The following HSPBAP1 variants were observed in gnomAD, a reference collection of about 807,000 sequenced individuals.
The protein encoded by HSPBAP1 is HSPB1-associated protein 1.
HSPBAP1 carries 27 observed loss-of-function variants against 45.2 expected under a neutral mutation model. That is an observed-to-expected ratio of 0.60 (90% CI 0.44 to 0.82). The LOEUF is 0.82. Ranked by LOEUF, HSPBAP1 falls within the 40% of genes least tolerant of loss-of-function variation. The probability of loss-of-function intolerance (pLI) is 0.00; values close to 1 mark genes in which losing one functional copy is unlikely to be tolerated. For synonymous variants in HSPBAP1, 204 were observed against 202.7 expected (o/e 1.01, Z -0.06); for missense variants, 510 against 590.9 (o/e 0.86, Z 1.42).
intron 3 of HSPBAP1, among the ~76,000 whole-genome samples, chr3:122,760,466 C>T (rs1207799982): frequency 2.0e-5 from 3 of 151,726 alleles, no homozygotes; most frequent in African/African-American, 4.8e-5. Context: ...AGAGGGAAAA[C>T]ATTAACAGCT....
chr3:122,759,340 G>A lies in HSPBAP1; in HGVS notation c.453C>T (p.Phe151=), dbSNP rs74824564. The change falls in exon 4 of 8, where the codon TTC becomes TTT. Residue 151 remains phenylalanine, a synonymous_variant. Transcript: ENST00000306103. ...DLFQDVKWSD[F]GFPGRNGQES... is the part of the protein sequence containing the mutation. The stretch of plus-strand genomic sequence containing the variant: ...CCTGTCCATTTCTTCCAGGAAACCC[G>A]AAGTCAGACCATTTCACATCCTGTT... 38 of 1,613,806 alleles carry A rather than the reference G, an allele frequency of 2.4e-5. No individual in the cohort carries two copies. In the African/African-American group the frequency reaches 4.3e-4, roughly 18 times the overall value.
chr3:122,754,994 CTG>C, intron 5 of HSPBAP1: 4 of 1,129,598 alleles, frequency 3.5e-6, no homozygotes, highest in Non-Finnish European at 3.3e-6. Context: ...CTCTTGTAGA[CTG>C]TCTTCCTCCA....
chr3:122,788,885 A>G (rs1935734617), intron 1 of HSPBAP1, among the ~76,000 whole-genome samples: 1 of 152,214 alleles, frequency 6.6e-6, no homozygotes, highest in Admixed American at 6.5e-5. Flanking sequence ...AATGTTGTGT[A>G]CCTACCTAAC....
chr3:122,770,518 G>A (rs1370343500), intron 2 of HSPBAP1, among the ~76,000 whole-genome samples: 4 of 152,048 alleles, frequency 2.6e-5, no homozygotes, highest in Admixed American at 2.6e-4. Context: ...GGGCAATACG[G>A]TGAAACCCTG....
intron 6 of HSPBAP1, among the ~76,000 whole-genome samples, chr3:122,743,341 G>A (rs566437026): frequency 1.8e-4 from 28 of 152,256 alleles, no homozygotes; most frequent in African/African-American, 4.3e-4. Context: ...AGGCCAAGGC[G>A]GGTGGATCAC....
intron 5 of HSPBAP1, chr3:122,752,974 C>T: frequency 9.2e-7 from 1 of 1,081,966 alleles, no homozygotes; most frequent in South Asian, 3.7e-5. Flanking sequence ...TCTAATTTTT[C>T]CTCCTTTCCG....
chr3:122,772,634 T>C (rs1301332810), intron 2 of HSPBAP1, among the ~76,000 whole-genome samples: 1 of 151,580 alleles, frequency 6.6e-6, no homozygotes, highest in Non-Finnish European at 1.5e-5. Flanking sequence ...AAATAAGAAA[T>C]GGATAGTTAA....
At position 122,776,030 on chromosome 3, in the gene HSPBAP1, G is replaced by T. The variant is rs572958686; in HGVS notation, c.250+1691C>A. 2.0e-5 allele frequency among the ~76,000 whole-genome samples: 3 copies of T among 152,306 alleles called. No individual in the cohort carries two copies. In the East Asian group the frequency reaches 5.8e-4, roughly 29 times the overall value. On this transcript the variant is annotated intron_variant, in intron 2 of 7. Transcript: ENST00000306103. The stretch of plus-strand genomic sequence containing the variant: ...AGGCACAAAAGGGCCAATAGTGAAT[G>T]ATTCCACTTATATGATATATTCTAA...
At position 122,752,624 on chromosome 3, in the gene HSPBAP1, A is replaced by AT; in HGVS notation, c.791_792insA (p.Val265CysfsTer10). Reference sequence around the variant, plus strand: ...TCCATGAGTTTATACTGACAGTGACAGGATCAATGGATTCTACGTAATGCC... The same window carrying AT: ...TCCATGAGTTTATACTGACAGTGACATGGATCAATGGATTCTACGTAATGCC... On this transcript the variant is annotated frameshift_variant, in exon 6 of 8. Coordinates refer to ENST00000306103, the MANE Select transcript of HSPBAP1 (RefSeq NM_024610.6). LOFTEE classifies it high-confidence loss of function. 6.2e-7 allele frequency: 1 copy of AT among 1,605,306 alleles called. No individual in the cohort carries two copies. The highest frequency in any genetic ancestry group is 8.5e-7 in the Non-Finnish European group (1 of 1,176,876).
chr3:122,774,599 T>C (rs1461503227), intron 2 of HSPBAP1, among the ~76,000 whole-genome samples: 1 of 152,174 alleles, frequency 6.6e-6, no homozygotes, highest in Admixed American at 6.5e-5. Flanking sequence ...TTAGATTTGT[T>C]TTCCTAAAAG....
At chr3:122,762,192 T>C (rs569040198) in intron 3 of HSPBAP1, among the ~76,000 whole-genome samples, 3 of 152,304 alleles carry the variant, frequency 2.0e-5, no homozygotes, top group East Asian at 3.9e-4. Context: ...AGATCTGCTT[T>C]CTATAACTAA....
rs1307870017 is a variant in HSPBAP1, at chr3:122,740,586, A to G, written c.1226T>C (p.Ile409Thr). The G allele has an allele frequency of 3.1e-6, 5 of 1,614,184 alleles. No homozygotes were observed. In the East Asian group the frequency reaches 8.9e-5, roughly 29 times the overall value. The change falls in exon 8 of 8, where the codon ATA becomes ACA. Residue 409 changes from isoleucine (I) to threonine (T), a missense_variant. Transcript: ENST00000306103. ...AAAGTCTTTCCCATCACTTCCAAAT[A>G]TGCCTCCTCTTTCTGAAGGCGGTTC... ...SEEPPSERGGIFGSDGKDFVD... is the reference protein window; with the variant it reads ...SEEPPSERGGTFGSDGKDFVD...
chr3:122,755,514 C>T (rs1043316973), intron 4 of HSPBAP1, 83 bp from the exon 5 acceptor site: 21 of 1,047,170 alleles, frequency 2.0e-5, no homozygotes, highest in East Asian at 1.7e-4. Flanking sequence ...GCTAAGTGTT[C>T]ATTTTTACTT....
At chr3:122,743,129 A>T (rs979821489) in intron 6 of HSPBAP1, among the ~76,000 whole-genome samples, 1 of 152,256 alleles carries the variant, frequency 6.6e-6, no homozygotes, top group African/African-American at 2.4e-5. Context: ...TATAGCATGC[A>T]TCAGTATTTC....
chr3:122,742,585 C>A (rs1006579874), intron 6 of HSPBAP1, among the ~76,000 whole-genome samples: 2 of 152,124 alleles, frequency 1.3e-5, no homozygotes, highest in African/African-American at 4.8e-5. Context: ...GTTGTTTGGT[C>A]AAACAATAAT....
intron 2 of HSPBAP1, 26 bp from the exon 3 acceptor site, chr3:122,768,908 A>T: frequency 7.0e-7 from 1 of 1,425,602 alleles, no homozygotes; most frequent in Non-Finnish European, 9.8e-7. Context: ...ATGCAACCTT[A>T]AATGTATAAT....
intron 2 of HSPBAP1, among the ~76,000 whole-genome samples, chr3:122,774,981 G>C (rs1213308632): frequency 2.6e-5 from 4 of 152,104 alleles, no homozygotes; most frequent in African/African-American, 9.7e-5. Context: ...GTTCACTACA[G>C]TCTTTTTAAA....
chr3:122,768,602 T>C (rs1934870485), intron 3 of HSPBAP1, 99 bp downstream of exon 3: 4 of 757,250 alleles, frequency 5.3e-6, no homozygotes, highest in East Asian at 5.1e-5. Context: ...CGATTACTTA[T>C]GAGAGAAAAA....
intron 6 of HSPBAP1, among the ~76,000 whole-genome samples, chr3:122,743,515 G>A (rs1041137615): frequency 1.4e-4 from 21 of 152,066 alleles, no homozygotes; most frequent in African/African-American, 4.3e-4. Context: ...GCGGTGGGCC[G>A]AGATCGAGCC....
Sources: allele counts gnomAD v4.1 joint callset (sites outside exome capture counted in the v4.1 genomes callset), GRCh38; gene constraint gnomAD v4.1.1; transcripts MANE v1.5; gene names NCBI Gene and HGNC (gene_info 2026-07-23, HGNC 2026-07-21).